Variants in ATP2B2 observed in about 807,000 individuals in gnomAD.
The protein encoded by ATP2B2 is plasma membrane calcium-transporting ATPase 2.
ATP2B2 carries 15 observed loss-of-function variants against 120.0 expected under a neutral mutation model. The ratio of observed to expected loss-of-function variants is 0.12; its 90% CI spans 0.08 to 0.19. The LOEUF is 0.19. Ranked by LOEUF, ATP2B2 falls within the 10% of genes least tolerant of loss-of-function variation. The pLI is 1.00. For synonymous variants in ATP2B2, 694 were observed against 700.3 expected (o/e 0.99, Z 0.14); for missense variants, 1,045 against 1,719.8 (o/e 0.61, Z 6.94).
At chr3:10,507,979 G>C (rs1292145825), upstream of ATP2B2, among the ~76,000 whole-genome samples, 1 of 141,068 alleles carries the variant, frequency 7.1e-6, no homozygotes, top group Non-Finnish European at 1.6e-5. Flanking sequence ...ACACTCGTCC[G>C]CTCCCAAGTC....
intron 2 of ATP2B2, among the ~76,000 whole-genome samples, chr3:10,438,229 A>G (rs2125128759): frequency 6.6e-6 from 1 of 152,230 alleles, no homozygotes; most frequent in East Asian, 1.9e-4. Flanking sequence ...TGGGTCCATG[A>G]GTCTCTCAGG....
At chr3:10,338,801 A>C in intron 21 of ATP2B2, 3 of 251,718 alleles carry the variant, frequency 1.2e-5, no homozygotes, top group East Asian at 1.2e-4. Context: ...GGAGGGTCTA[A>C]CTCGTCCTGC....
chr3:10,464,597 C>T (rs1433901197), intron 1 of ATP2B2, among the ~76,000 whole-genome samples: 2 of 152,184 alleles, frequency 1.3e-5, no homozygotes, highest in African/African-American at 4.8e-5. Flanking sequence ...GATCTGCAAC[C>T]CCCAGTGCAG....
intron 21 of ATP2B2, among the ~76,000 whole-genome samples, chr3:10,339,771 G>A (rs970190184): frequency 2.0e-5 from 3 of 152,090 alleles, no homozygotes; most frequent in Non-Finnish European, 4.4e-5. Context: ...GACGCCAGCC[G>A]GCCACCAGCG....
intron 2 of ATP2B2, among the ~76,000 whole-genome samples, chr3:10,536,504 T>TTCC (rs374053889): frequency 0.01 from 1,566 of 151,510 alleles, 99 homozygotes; most frequent in Admixed American, 0.093. Context: ...TCTCCTTCTT[T>TTCC]TCCTCCTCCT....
chr3:10,337,838 C>T (rs1488244401), intron 22 of ATP2B2, among the ~76,000 whole-genome samples: 4 of 152,104 alleles, frequency 2.6e-5, no homozygotes, highest in Non-Finnish European at 4.4e-5. Flanking sequence ...TGCCCCCAGC[C>T]CTGAGCGACA....
At chr3:10,507,088 C>T (rs143510043), upstream of ATP2B2, among the ~76,000 whole-genome samples, 506 of 152,254 alleles carry the variant, frequency 3.3e-3, no homozygotes, top group Non-Finnish European at 5.1e-3. Flanking sequence ...GTGGCCTCAA[C>T]GCAGGGAGGA....
chr3:10,653,052 C>T (rs1268796868), intron 1 of ATP2B2, among the ~76,000 whole-genome samples: 1 of 152,186 alleles, frequency 6.6e-6, no homozygotes, highest in Admixed American at 6.5e-5. Context: ...CTTGAGACCA[C>T]TGAACTGTAC....
At chr3:10,399,585 G>C (rs548799476) in intron 5 of ATP2B2, among the ~76,000 whole-genome samples, 1 of 152,312 alleles carries the variant, frequency 6.6e-6, no homozygotes, top group Non-Finnish European at 1.5e-5. Context: ...CAGGACAGCA[G>C]GGACCTTGTT....
intron 21 of ATP2B2, among the ~76,000 whole-genome samples, chr3:10,339,780 C>T (rs370443037): frequency 1.3e-5 from 2 of 152,172 alleles, no homozygotes; most frequent in Admixed American, 1.3e-4. Flanking sequence ...CGGCCACCAG[C>T]GCCCGCAGAC....
At chr3:10,488,043 ATC>A (rs1411810602) in intron 1 of ATP2B2, among the ~76,000 whole-genome samples, 2 of 151,064 alleles carry the variant, frequency 1.3e-5, no homozygotes, top group African/African-American at 2.4e-5. Flanking sequence ...TCATTCATCC[ATC>A]TCTCTCTCCA....
At chr3:10,430,778 C>A (rs1049492835) in intron 2 of ATP2B2, among the ~76,000 whole-genome samples, 1 of 151,212 alleles carries the variant, frequency 6.6e-6, no homozygotes, top group African/African-American at 2.4e-5. Context: ...ACTGAGTGTC[C>A]AGTAAAGAAA....
chr3:10,462,871 C>A (rs1291579861), intron 1 of ATP2B2, among the ~76,000 whole-genome samples: 1 of 152,086 alleles, frequency 6.6e-6, no homozygotes, highest in African/African-American at 2.4e-5. Context: ...TCTGAGCTGG[C>A]CTCCTTGGGG....
At chr3:10,421,597 T>TC (rs1559317408) in intron 2 of ATP2B2, among the ~76,000 whole-genome samples, 1 of 152,176 alleles carries the variant, frequency 6.6e-6, no homozygotes, top group Non-Finnish European at 1.5e-5. Flanking sequence ...GAGCTGGTCT[T>TC]CAAGTTCGGC....
chr3:10,508,178 C>G (rs896400217), upstream of ATP2B2, among the ~76,000 whole-genome samples: 3 of 152,174 alleles, frequency 2.0e-5, no homozygotes, highest in Admixed American at 1.3e-4. Flanking sequence ...GCATCCACCC[C>G]GCAGTGACTG....
intron 22 of ATP2B2, chr3:10,332,022 A>T: frequency 6.4e-7 from 1 of 1,550,532 alleles, no homozygotes; most frequent in Non-Finnish European, 8.7e-7. Context: ...CTCTGTGTCC[A>T]GGGTTCTCTA....
At chr3:10,388,912 A>C (rs2061763002) in intron 5 of ATP2B2, among the ~76,000 whole-genome samples, 1 of 152,114 alleles carries the variant, frequency 6.6e-6, no homozygotes, top group Non-Finnish European at 1.5e-5. Context: ...AATAAAGTAC[A>C]CTCATTACTA....
intron 2 of ATP2B2, among the ~76,000 whole-genome samples, chr3:10,543,006 T>C (rs529024901): frequency 1.3e-5 from 2 of 152,318 alleles, no homozygotes; most frequent in East Asian, 3.9e-4. Context: ...CAAGGCTCTG[T>C]TCATTTTGTT....
rs2065810583 is a variant in ATP2B2, at chr3:10,488,500, T to TTCCC, written c.-320+16964_-320+16965insGGGA. 9.1e-5 allele frequency among the ~76,000 whole-genome samples: 7 copies of TTCCC among 77,072 alleles called. No individual in the cohort carries two copies. In the South Asian group the frequency reaches 2.5e-3, roughly 28 times the overall value. 50.6% of individuals were successfully genotyped at this position (77,072 alleles called of 152,430 possible). ...CTTCCTTCCTTCCTTCCTTCCTTCC[T>TTCCC]TCCTTCGTTCCTTCCTTCCTTCCTT... On this transcript the variant is annotated intron_variant, in intron 1 of 22. Coordinates refer to ENST00000360273, the MANE Select transcript of ATP2B2 (RefSeq NM_001001331.4).
Sources: gnomAD v4.1 joint callset for allele counts (sites outside exome capture counted in the v4.1 genomes callset) on GRCh38, gnomAD v4.1.1 for gene constraint, MANE v1.5 for transcripts, NCBI Gene and HGNC (gene_info 2026-07-23, HGNC 2026-07-21) for gene names.